Variants in MED12L observed in about 807,000 individuals in gnomAD.
MED12L encodes mediator complex subunit 12L.
In MED12L, 60 loss-of-function variants were observed where a neutral mutation model predicts 281.3. The observed-to-expected ratio is 0.21, with a 90% confidence interval of 0.17 to 0.26. The LOEUF is 0.26. Ranked by LOEUF, MED12L falls within the 10% of genes least tolerant of loss-of-function variation. MED12L has a pLI of 1.00. For synonymous variants in MED12L, 974 were observed against 987.2 expected (o/e 0.99, Z 0.25); for missense variants, 2,146 against 2,680.9 (o/e 0.80, Z 4.41).
At chr3:151,218,121 C>T (rs1728596980) in intron 16 of MED12L, among the ~76,000 whole-genome samples, 1 of 152,120 alleles carries the variant, frequency 6.6e-6, no homozygotes, top group Non-Finnish European at 1.5e-5. Context: ...TCAAATCTTT[C>T]ACAAATGAAG....
rs113665801 is a variant in MED12L at position 151,325,109 on chromosome 3, A to C, written c.2251-24950A>C. ...TTTTAAATGGATATGGAATGTAAGA[A>C]ATAATGGGATTAATAAGATTGAATG... On this transcript the variant is annotated intron_variant, in intron 16 of 44. Transcript: ENST00000687756. Among the ~76,000 whole-genome samples, 1,047 of 152,354 alleles carry C rather than the reference A, an allele frequency of 6.9e-3. 10 individuals carry two copies. The highest frequency in any genetic ancestry group is 0.024 in the South Asian group (115 of 4,820).
chr3:151,322,545 G>A (rs1171997679), intron 16 of MED12L, among the ~76,000 whole-genome samples: 2 of 151,958 alleles, frequency 1.3e-5, no homozygotes, highest in Non-Finnish European at 2.9e-5. Context: ...GAAGATAAGG[G>A]TTGCTTCTAC....
chr3:151,154,947 G>A (rs185956621), intron 5 of MED12L, among the ~76,000 whole-genome samples: 4 of 152,270 alleles, frequency 2.6e-5, no homozygotes, highest in East Asian at 3.9e-4. Flanking sequence ...GCTTGTTACC[G>A]AAGTTTAACA....
chr3:151,110,407 G>T (rs1052031640), intron 2 of MED12L, among the ~76,000 whole-genome samples: 1 of 152,176 alleles, frequency 6.6e-6, no homozygotes, highest in African/African-American at 2.4e-5. Flanking sequence ...TCCTCTAAAA[G>T]GGGTCTATTG....
rs1339634075 is a variant in MED12L, at chr3:151,434,085, G to A, written c.*1281G>A. On this transcript the variant is annotated 3_prime_UTR_variant, in exon 45 of 45. Transcript: ENST00000687756. ...AAATTTTGAATGTGAAAATTGCAGG[G>A]CATTTTAAAACATATGTGGGGGATA... The A allele has an allele frequency of 2.0e-5, 3 of 152,286 alleles. No individual in the cohort carries two copies. Among genetic ancestry groups the A allele is most frequent in the Non-Finnish European group, 2.9e-5 (2 of 67,994 alleles). 9.4% of individuals were successfully genotyped at this position (152,286 alleles called of 1,614,324 possible).
At chr3:151,118,496 T>G (rs1410905914) in intron 3 of MED12L, among the ~76,000 whole-genome samples, 1 of 152,232 alleles carries the variant, frequency 6.6e-6, no homozygotes, top group Non-Finnish European at 1.5e-5. Context: ...ACCGCAATTA[T>G]GTATATGTAA....
intron 44 of MED12L, 22 bp downstream of exon 44, chr3:151,430,402 G>C: frequency 2.5e-6 from 4 of 1,612,102 alleles, no homozygotes; most frequent in Non-Finnish European, 3.4e-6. Flanking sequence ...TGTGTGTCAT[G>C]GAACAGACAG....
chr3:151,272,590 A>G (rs1488603763), intron 16 of MED12L, among the ~76,000 whole-genome samples: 2 of 152,238 alleles, frequency 1.3e-5, no homozygotes, highest in Admixed American at 6.5e-5. Context: ...TACAAAGTGC[A>G]TACTCGGGAA....
At chr3:151,293,491 C>T (rs991809562) in intron 16 of MED12L, among the ~76,000 whole-genome samples, 4 of 151,670 alleles carry the variant, frequency 2.6e-5, no homozygotes, top group Non-Finnish European at 5.9e-5. Context: ...GAGGCAGAAG[C>T]ATTTCCACAG....
intron 4 of MED12L, among the ~76,000 whole-genome samples, chr3:151,124,989 A>G (rs186167674): frequency 8.6e-5 from 13 of 151,808 alleles, no homozygotes; most frequent in African/African-American, 2.9e-4. Flanking sequence ...GAAAGGTGAT[A>G]GGACACCCTT....
Position 151,102,437 on chromosome 3 carries a change from A to C in MED12L, c.100-13901A>C. On this transcript the variant is annotated intron_variant, in intron 2 of 44. Coordinates refer to ENST00000687756, the MANE Select transcript of MED12L (RefSeq NM_001393769.1). ...AATTATACGTTTAGCCCGTTTCTGAATAATTGGCCTAAAAGTAATGAACAA... is the reference window on the plus strand; with the variant it reads ...AATTATACGTTTAGCCCGTTTCTGACTAATTGGCCTAAAAGTAATGAACAA... Among the ~76,000 whole-genome samples the C allele has an allele frequency of 1.3e-5, 2 of 152,178 alleles. 1 individual carries two copies.
intron 6 of MED12L, 102 bp downstream of exon 6, chr3:151,156,432 C>T (rs1348824555): frequency 9.1e-7 from 1 of 1,100,848 alleles, no homozygotes; most frequent in Non-Finnish European, 1.3e-6. Flanking sequence ...TTTACATGAA[C>T]CAATACATTC....
intron 2 of MED12L, among the ~76,000 whole-genome samples, chr3:151,092,674 G>C (rs1197241938): frequency 6.6e-6 from 1 of 152,222 alleles, no homozygotes; most frequent in Non-Finnish European, 1.5e-5. Context: ...CAAAAGGGGA[G>C]GATGTTGATA....
At chr3:151,093,671 T>C (rs1174091855) in intron 2 of MED12L, among the ~76,000 whole-genome samples, 2 of 152,242 alleles carry the variant, frequency 1.3e-5, no homozygotes, top group African/African-American at 4.8e-5. Context: ...ACACAGTTTA[T>C]AGCAGAGGAG....
intron 2 of MED12L, among the ~76,000 whole-genome samples, chr3:151,108,185 C>T (rs935545666): frequency 1.7e-5 from 2 of 120,326 alleles, no homozygotes; most frequent in Non-Finnish European, 3.2e-5. Flanking sequence ...GAAATGTGTG[C>T]GGAGCAGTAG....
chr3:151,248,941 A>G (rs1250920260), intron 16 of MED12L: 1 of 152,216 alleles, frequency 6.6e-6, no homozygotes, highest in East Asian at 1.9e-4. Flanking sequence ...TGTTGAGGGA[A>G]ATAGATTTTG....
chr3:151,397,378 A>G (rs1715112054), intron 39 of MED12L, among the ~76,000 whole-genome samples: 1 of 152,244 alleles, frequency 6.6e-6, no homozygotes, highest in Admixed American at 6.5e-5. Context: ...AAATGCATAC[A>G]TTATGCAGTC....
At chr3:151,363,123 C>G (rs1754823019) in intron 21 of MED12L, among the ~76,000 whole-genome samples, 1 of 151,902 alleles carries the variant, frequency 6.6e-6, no homozygotes, top group Non-Finnish European at 1.5e-5. Context: ...ATTTAGGGTA[C>G]CAGCACACAG....
rs954199345 is a variant in MED12L at position 151,191,228 on chromosome 3, T to C, written c.1968+297T>C. Among the ~76,000 whole-genome samples the C allele has an allele frequency of 2.0e-5, 3 of 152,308 alleles. No homozygotes were observed. In the East Asian group the frequency reaches 5.8e-4, roughly 29 times the overall value. ...AGTTCTAGATGTTTCTAATCTCTAG[T>C]TTTTCTTTAACATTGTGTCTCAAAA... On this transcript the variant is annotated intron_variant, in intron 14 of 44. Coordinates refer to ENST00000687756, the MANE Select transcript of MED12L (RefSeq NM_001393769.1).
Sources: gnomAD v4.1 joint callset for allele counts (sites outside exome capture counted in the v4.1 genomes callset) on GRCh38, gnomAD v4.1.1 for gene constraint, MANE v1.5 for transcripts, NCBI Gene and HGNC (gene_info 2026-07-23, HGNC 2026-07-21) for gene names.